Variants in LARP1 observed in about 807,000 individuals in gnomAD.
LARP1 encodes the protein la-related protein 1.
A neutral mutation model predicts 122.7 loss-of-function variants in LARP1; 36 were observed. That is an observed-to-expected ratio of 0.29 (90% CI 0.22 to 0.39). The LOEUF is 0.39. LARP1 is among the 10% of genes least tolerant of loss of function. The probability of loss-of-function intolerance (pLI) is 1.00; values close to 1 mark genes in which losing one functional copy is unlikely to be tolerated. For synonymous variants in LARP1, 539 were observed against 528.7 expected (o/e 1.02, Z -0.27); for missense variants, 1,040 against 1,403.6 (o/e 0.74, Z 4.14).
chr5:154,755,328 T>A (rs1032097541), upstream of LARP1, among the ~76,000 whole-genome samples: 3 of 148,948 alleles, frequency 2.0e-5, no homozygotes, highest in African/African-American at 7.3e-5. Flanking sequence ...GCCCGCCGCC[T>A]GCCGCGGATC....
At chr5:154,695,141 C>T (rs6863565) in intron 1 of LARP1, among the ~76,000 whole-genome samples, 100,850 of 151,640 alleles carry the variant, frequency 0.67, 33,773 homozygotes, top group Non-Finnish European at 0.7. Flanking sequence ...TGGTGAAACC[C>T]CGTCTCTACT....
At chr5:154,751,184 C>T (rs964833318), upstream of LARP1, among the ~76,000 whole-genome samples, 2 of 152,098 alleles carry the variant, frequency 1.3e-5, no homozygotes, top group Non-Finnish European at 2.9e-5. Flanking sequence ...GAGAAGTAGG[C>T]TGTACAGAGT....
intron 1 of LARP1, among the ~76,000 whole-genome samples, chr5:154,707,756 G>A (rs1755021083): frequency 1.3e-5 from 2 of 152,172 alleles, no homozygotes; most frequent in Admixed American, 6.6e-5. Flanking sequence ...ATTTGGGGGT[G>A]ATGGGAGATA....
At chr5:154,748,606 T>C (rs1038233000) in intron 1 of LARP1, among the ~76,000 whole-genome samples, 2 of 152,116 alleles carry the variant, frequency 1.3e-5, no homozygotes, top group African/African-American at 4.8e-5. Context: ...CAAGTGGAAG[T>C]GGAAAGGCAT....
Position 154,816,971 on chromosome 5 carries a change from CCT to C in LARP1, c.*2876_*2877del, listed in dbSNP as rs1296857172. The stretch of plus-strand genomic sequence containing the variant: ...GGGGCTCAGATAGAGGTGCTGAGCC[CCT>C]GTGTCAAAGTTGTTAAATGTTTTTG... On this transcript the variant is annotated 3_prime_UTR_variant, in exon 19 of 19. Coordinates refer to ENST00000518297, the MANE Select transcript of LARP1 (RefSeq NM_033551.3). 6 of 152,262 alleles carry C rather than the reference CCT, an allele frequency of 3.9e-5. No homozygotes were observed. Among genetic ancestry groups the C allele is most frequent in the Admixed American group, 2.6e-4 (4 of 15,300 alleles). The allele number at this position is 152,262 out of a possible 1,614,324, so 9.4% of individuals were successfully genotyped here. A position where few individuals can be genotyped will look rare whatever the true frequency, so the allele number is the denominator to read the frequency against.
Position 154,802,074 on chromosome 5 carries a change from T to C in LARP1, c.1784T>C (p.Met595Thr), listed in dbSNP as rs561690425. The C allele has an allele frequency of 1.2e-6, 2 of 1,614,160 alleles. No individual in the cohort carries two copies. Among genetic ancestry groups the C allele is most frequent in the Admixed American group, 1.7e-5 (1 of 60,020 alleles). ...CAGCAGCTGCCTTCCCAGCAGCTGATGTCCAAGGATCAGGATGAGCAAGAG... is the reference window on the plus strand; with the variant it reads ...CAGCAGCTGCCTTCCCAGCAGCTGACGTCCAAGGATCAGGATGAGCAAGAG... ...LPQQLPSQQL[M>T]SKDQDEQEEL... Residue 595 changes from methionine to threonine, a missense_variant, in exon 11 of 19, where the codon ATG becomes ACG. Transcript: ENST00000518297. The surrounding 1 kb of genome is among the most constrained non-coding windows in gnomAD (Gnocchi z 5.1).
At chr5:154,769,795 G>C (rs1022873849) in intron 1 of LARP1, among the ~76,000 whole-genome samples, 1 of 152,226 alleles carries the variant, frequency 6.6e-6, no homozygotes, top group African/African-American at 2.4e-5. Context: ...TAGAGGCCTT[G>C]TGGCAGTAGC....
At chr5:154,721,789 C>T (rs1240655131) in intron 1 of LARP1, among the ~76,000 whole-genome samples, 9 of 152,260 alleles carry the variant, frequency 5.9e-5, no homozygotes, top group Admixed American at 6.5e-5. Flanking sequence ...CATAAGGCTG[C>T]GGTTAAAGGG....
At chr5:154,794,586 C>T (rs147634108) in intron 7 of LARP1, among the ~76,000 whole-genome samples, 50 of 152,302 alleles carry the variant, frequency 3.3e-4, no homozygotes, top group African/African-American at 1.1e-3. Flanking sequence ...TCCTTAGTAT[C>T]GGCCAGGCTC....
intron 1 of LARP1, among the ~76,000 whole-genome samples, chr5:154,720,139 T>C (rs1288635822): frequency 2.0e-5 from 3 of 151,998 alleles, no homozygotes; most frequent in African/African-American, 4.8e-5. Flanking sequence ...TGCAGTGAGC[T>C]GAGATCGCAC....
In LARP1 at chr5:154,802,457, A is replaced by G; in HGVS notation, c.2109+58A>G. 1 of 1,505,234 alleles carries G rather than the reference A, an allele frequency of 6.6e-7. No individual in the cohort carries two copies. Among genetic ancestry groups the G allele is most frequent in the East Asian group, 2.3e-5 (1 of 43,898 alleles). The allele number at this position is 1,505,234 out of a possible 1,614,324, so 93.2% of individuals were successfully genotyped here. Reference sequence around the variant, plus strand: ...CTGGTGTGCCTGTATTGTACGGAGAAGAGGAAGCCTGATTAGCTGTGCAAT... The same window carrying G: ...CTGGTGTGCCTGTATTGTACGGAGAGGAGGAAGCCTGATTAGCTGTGCAAT... On this transcript the variant is annotated intron_variant, in intron 11 of 18. Transcript: ENST00000518297. The surrounding 1 kb of genome is among the most constrained non-coding windows in gnomAD (Gnocchi z 5.1).
chr5:154,723,514 G>C (rs1219053604), intron 1 of LARP1, among the ~76,000 whole-genome samples: 2 of 152,146 alleles, frequency 1.3e-5, no homozygotes, highest in East Asian at 3.8e-4. Context: ...GGTGGTATAG[G>C]CAAAGGTGGA....
chr5:154,785,580 C>T (rs1756813656), intron 1 of LARP1, among the ~76,000 whole-genome samples: 1 of 152,142 alleles, frequency 6.6e-6, no homozygotes, highest in Non-Finnish European at 1.5e-5. Flanking sequence ...CAGAGGGACC[C>T]TGTGAGGAGC....
intron 1 of LARP1, among the ~76,000 whole-genome samples, chr5:154,714,667 C>T (rs1040578332): frequency 6.6e-6 from 1 of 152,188 alleles, no homozygotes; most frequent in East Asian, 1.9e-4. Flanking sequence ...CTCTCCTTTC[C>T]TGCAGCTCCC....
At chr5:154,757,256 T>G (rs1305151533) in intron 1 of LARP1, 1 of 151,904 alleles carries the variant, frequency 6.6e-6, no homozygotes, top group African/African-American at 2.4e-5. Context: ...CTCCGCGTTT[T>G]GGTCCTTTTG....
intron 1 of LARP1, among the ~76,000 whole-genome samples, chr5:154,778,258 T>TAAAAAAAAA (rs577057003): frequency 1.7e-5 from 2 of 119,708 alleles, no homozygotes; most frequent in African/African-American, 6.2e-5. Flanking sequence ...AGACTCCGTC[T>TAAAAAAAAA]AAAAAAAAAA....
intron 1 of LARP1, among the ~76,000 whole-genome samples, chr5:154,759,677 C>T (rs897263496): frequency 4.6e-5 from 7 of 152,074 alleles, no homozygotes; most frequent in African/African-American, 1.7e-4. Context: ...TACAGATAGT[C>T]CCCAACTTAT....
chr5:154,721,044 GAA>G (rs962595316), intron 1 of LARP1, among the ~76,000 whole-genome samples: 3 of 146,084 alleles, frequency 2.1e-5, no homozygotes, highest in Admixed American at 1.4e-4. Flanking sequence ...TTGTCTTAAA[GAA>G]AAAAAAAAGA....
chr5:154,698,835 C>T (rs1208259528), intron 1 of LARP1, among the ~76,000 whole-genome samples: 2 of 152,108 alleles, frequency 1.3e-5, no homozygotes, highest in East Asian at 3.9e-4. Context: ...AAAATATGCC[C>T]TAGTTCCAAA....
Sources: gnomAD v4.1 joint callset for allele counts (sites outside exome capture counted in the v4.1 genomes callset) on GRCh38, gnomAD v4.1.1 for gene constraint, Gnocchi (gnomAD v3.1) non-coding constraint, MANE v1.5 for transcripts, NCBI Gene and HGNC (gene_info 2026-07-23, HGNC 2026-07-21) for gene names.